Variants in CDH18 observed in about 807,000 individuals in gnomAD.
The protein encoded by CDH18 is cadherin-18.
In CDH18, 31 loss-of-function variants were observed where a neutral mutation model predicts 67.9. The observed-to-expected ratio is 0.46, with a 90% CI of 0.34 to 0.62. The LOEUF is 0.62. CDH18 is among the 20% of genes least tolerant of loss of function. CDH18 has a pLI of 0.01. For synonymous variants in CDH18, 362 were observed against 347.2 expected, an observed-to-expected ratio of 1.04 and a Z score of -0.48; for missense variants, 890 against 975.5, an observed-to-expected ratio of 0.91 and a Z score of 1.17.
intron 12 of CDH18, among the ~76,000 whole-genome samples, chr5:19,477,130 A>C (rs1738596891): frequency 6.8e-6 from 1 of 146,228 alleles, no homozygotes; most frequent in Admixed American, 6.9e-5. Flanking sequence ...ATAAAAGGAG[A>C]TATATATATA....
At chr5:20,493,955 AAAAAC>A (rs1753747921) in intron 1 of CDH18, among the ~76,000 whole-genome samples, 1 of 151,304 alleles carries the variant, frequency 6.6e-6, no homozygotes, top group Admixed American at 6.6e-5. Context: ...ACAGCAAAAA[AAAAAC>A]CAGCCTTGTG....
intron 2 of CDH18, among the ~76,000 whole-genome samples, chr5:20,107,201 C>T (rs986290915): frequency 6.6e-6 from 1 of 152,078 alleles, no homozygotes; most frequent in African/African-American, 2.4e-5. Context: ...CTGCCTCAGC[C>T]TCCCCAGTAG....
At position 19,981,041 on chromosome 5, in the gene CDH18, G is replaced by A. The variant is rs1579930914; in HGVS notation, c.-257+19C>T. 1 of 152,206 alleles carries A rather than the reference G, an allele frequency of 6.6e-6. No homozygotes were observed. The allele number at this position is 152,206 out of a possible 1,614,324, so 9.4% of individuals were successfully genotyped here. A position where few individuals can be genotyped will look rare whatever the true frequency, so the allele number is the denominator to read the frequency against. Reference sequence around the variant, plus strand: ...CACATCCTGCCAACTTTATTTTCATGATAAATACAGAATCAAACCTTTTCT... The same window carrying A: ...CACATCCTGCCAACTTTATTTTCATAATAAATACAGAATCAAACCTTTTCT... On this transcript the variant is annotated intron_variant, in intron 2 of 12. Coordinates refer to ENST00000382275, the MANE Select transcript of CDH18 (RefSeq NM_004934.5).
intron 11 of CDH18, among the ~76,000 whole-genome samples, chr5:19,496,291 A>G (rs1460410362): frequency 1.3e-5 from 2 of 152,172 alleles, no homozygotes; most frequent in African/African-American, 4.8e-5. Flanking sequence ...GATTAAAGTG[A>G]CTACAATCCT....
At chr5:20,373,728 G>T (rs1199164577) in intron 1 of CDH18, among the ~76,000 whole-genome samples, 1 of 151,850 alleles carries the variant, frequency 6.6e-6, no homozygotes, top group Non-Finnish European at 1.5e-5. Flanking sequence ...ATCTAGTAGA[G>T]TCTCAATAAA....
intron 3 of CDH18, among the ~76,000 whole-genome samples, chr5:19,798,210 G>A (rs1777057805): frequency 6.6e-6 from 1 of 151,956 alleles, no homozygotes. Context: ...AAGGAGATGT[G>A]GGGGAATCTG....
chr5:20,177,891 T>G (rs557600621), intron 2 of CDH18, among the ~76,000 whole-genome samples: 3 of 152,238 alleles, frequency 2.0e-5, no homozygotes, highest in African/African-American at 7.2e-5. Flanking sequence ...CCTCTTTGCC[T>G]TCCACCATGA....
chr5:19,920,895 A>ACACACACC (rs1792364960), intron 2 of CDH18, among the ~76,000 whole-genome samples: 1 of 148,782 alleles, frequency 6.7e-6, no homozygotes, highest in Non-Finnish European at 1.5e-5. Flanking sequence ...CCACAAGAGC[A>ACACACACC]CACACACACA....
intron 1 of CDH18, among the ~76,000 whole-genome samples, chr5:20,447,617 C>T (rs1350692673): frequency 6.6e-6 from 1 of 152,106 alleles, no homozygotes; most frequent in Non-Finnish European, 1.5e-5. Flanking sequence ...TTTTACAGCA[C>T]CACAAATGGA....
rs1581384935 is a variant in CDH18 at position 19,795,164 on chromosome 5, A to T, written c.228+43595T>A. 2.0e-5 allele frequency among the ~76,000 whole-genome samples: 3 copies of T among 152,258 alleles called. No individual in the cohort carries two copies. The East Asian group carries it at 5.8e-4, about 29-fold the overall frequency. ...GGGATATTGCTTGGGAGCCCCACCA[A>T]GAATAAGCAGTCAGTAGAAGCATTC... On this transcript the variant is annotated intron_variant, in intron 3 of 12. Coordinates refer to ENST00000382275, the MANE Select transcript of CDH18 (RefSeq NM_004934.5).
chr5:19,519,780 C>A (rs1321392888), intron 10 of CDH18, among the ~76,000 whole-genome samples: 1 of 151,958 alleles, frequency 6.6e-6, no homozygotes, highest in African/African-American at 2.4e-5. Flanking sequence ...ATATGGGCAG[C>A]CTTGAGGAGT....
At chr5:19,695,889 A>C (rs1441131838) in intron 5 of CDH18, among the ~76,000 whole-genome samples, 1 of 152,196 alleles carries the variant, frequency 6.6e-6, no homozygotes, top group African/African-American at 2.4e-5. Flanking sequence ...AAAAATCAAA[A>C]TAAGGTTGAT....
At chr5:20,551,758 T>C (rs1757646083) in intron 1 of CDH18, among the ~76,000 whole-genome samples, 1 of 152,218 alleles carries the variant, frequency 6.6e-6, no homozygotes, top group Non-Finnish European at 1.5e-5. Flanking sequence ...CATAAATTTC[T>C]ACTTGTTTTC....
intron 3 of CDH18, among the ~76,000 whole-genome samples, chr5:19,825,024 C>T (rs1780260873): frequency 6.6e-6 from 1 of 152,178 alleles, no homozygotes; most frequent in African/African-American, 2.4e-5. Context: ...TTTGTGAACT[C>T]AGCTGGAATG....
intron 7 of CDH18, among the ~76,000 whole-genome samples, chr5:19,585,303 C>T (rs551295994): frequency 9.9e-5 from 15 of 152,276 alleles, no homozygotes; most frequent in South Asian, 8.3e-4. Context: ...CTTCAGATTA[C>T]GTGTGTAATC....
At position 19,902,138 on chromosome 5, in the gene CDH18, T is replaced by A. The variant is rs185935663; in HGVS notation, c.-256-62896A>T. On this transcript the variant is annotated intron_variant, in intron 2 of 12. Coordinates refer to ENST00000382275, the MANE Select transcript of CDH18 (RefSeq NM_004934.5). Reference sequence around the variant, plus strand: ...AATACTCAATGAATAAATGTAGTACTTTACATGTGACAAAACATATAGGGA... The same window carrying A: ...AATACTCAATGAATAAATGTAGTACATTACATGTGACAAAACATATAGGGA... Among the ~76,000 whole-genome samples, 451 of 152,280 alleles carry A rather than the reference T, an allele frequency of 3.0e-3. 5 individuals are homozygous for A. Among genetic ancestry groups the A allele is most frequent in the African/African-American group, 9.8e-3 (406 of 41,578 alleles).
chr5:20,295,838 G>A, intron 1 of CDH18, among the ~76,000 whole-genome samples: 1 of 77,494 alleles, frequency 1.3e-5, no homozygotes, highest in African/African-American at 5.1e-5. Context: ...AGATCAATCT[G>A]CAGACATTTT....
At chr5:20,371,052 G>T (rs1742958911) in intron 1 of CDH18, among the ~76,000 whole-genome samples, 1 of 148,628 alleles carries the variant, frequency 6.7e-6, no homozygotes, top group Non-Finnish European at 1.5e-5. Context: ...AAAAAAGACT[G>T]TGGCATCAGT....
At chr5:19,920,143 G>T (rs961395361) in intron 2 of CDH18, among the ~76,000 whole-genome samples, 3 of 152,078 alleles carry the variant, frequency 2.0e-5, no homozygotes, top group African/African-American at 7.2e-5. Context: ...ACATTATTTT[G>T]TTAAAACCTG....
Sources: gnomAD v4.1 joint callset for allele counts (sites outside exome capture counted in the v4.1 genomes callset) on GRCh38, gnomAD v4.1.1 for gene constraint, MANE v1.5 for transcripts, NCBI Gene and HGNC (gene_info 2026-07-23, HGNC 2026-07-21) for gene names.